BEND3: variants seen among roughly 807,000 people sequenced by gnomAD.
BEND3 encodes the protein BEN domain-containing protein 3.
Under a neutral mutation model 60.1 loss-of-function variants are expected in BEND3, and 13 were observed. The ratio of observed to expected loss-of-function variants is 0.22; its 90% CI spans 0.14 to 0.34. BEND3 has a LOEUF of 0.34. Ranked by LOEUF, BEND3 falls within the 10% of genes least tolerant of loss-of-function variation. BEND3 has a pLI of 1.00. For missense variants in BEND3, 896 were observed against 1,138.1 expected (o/e 0.79, Z 3.06); for synonymous variants, 497 against 491.5 (o/e 1.01, Z -0.15).
chr6:107,068,546 G>A lies in BEND3; in HGVS notation c.*158C>T, dbSNP rs952218808. ...CTCAAGGCTTCTTTCTTGCGGTTGG[G>A]TGGGTGTTTACGTGTGCAAATGTAG... On this transcript the variant is annotated 3_prime_UTR_variant, in exon 4 of 4. Coordinates refer to ENST00000369042, the MANE Select transcript of BEND3 (RefSeq NM_001367314.1). This position sits in a 1 kb window ranked among gnomAD's most constrained non-coding sequence, Gnocchi z 5.8. 31 of 763,164 alleles carry A rather than the reference G, an allele frequency of 4.1e-5. No individual in the cohort carries two copies. The African/African-American group carries it at 5.3e-4, about 13-fold the overall frequency. The allele number at this position is 763,164 out of a possible 1,614,324, so 47.3% of individuals were successfully genotyped here. A position where few individuals can be genotyped will look rare whatever the true frequency, so the allele number is the denominator to read the frequency against.
At chr6:107,093,802 T>A (rs1402868893) in intron 3 of BEND3, among the ~76,000 whole-genome samples, 1 of 152,104 alleles carries the variant, frequency 6.6e-6, no homozygotes, top group African/African-American at 2.4e-5. Flanking sequence ...GAAGATAACA[T>A]CAGAGAAAAC....
chr6:107,098,933 T>G (rs1278239886), intron 2 of BEND3, among the ~76,000 whole-genome samples, 180 bp from the exon 3 acceptor site: 1 of 152,214 alleles, frequency 6.6e-6, no homozygotes, highest in Non-Finnish European at 1.5e-5. Flanking sequence ...ACCGCACTAG[T>G]GCTGTACAAT....
At chr6:107,100,741 A>C (rs1292935742) in intron 1 of BEND3, among the ~76,000 whole-genome samples, 1 of 152,260 alleles carries the variant, frequency 6.6e-6, no homozygotes, top group African/African-American at 2.4e-5. Context: ...CAGCATGTAC[A>C]TAAATAGTAC....
At chr6:107,103,979 GAAAGAA>G (rs1775759140) in intron 1 of BEND3, among the ~76,000 whole-genome samples, 2 of 145,030 alleles carry the variant, frequency 1.4e-5, no homozygotes, top group African/African-American at 5.5e-5. Context: ...AAGAAAGAAA[GAAAGAA>G]AGAAAAAACA....
At position 107,087,296 on chromosome 6, in the gene BEND3, G is replaced by A. The variant is rs371409082; in HGVS notation, c.240+11255C>T. ...ATTGCGCCTCTGCACTCCAGCCTGG[G>A]TAAGAGAGCAAAACTCCAACTCAAA... is the stretch of plus-strand genomic sequence containing the variant. On this transcript the variant is annotated intron_variant, in intron 3 of 3. Coordinates refer to ENST00000369042, the MANE Select transcript of BEND3 (RefSeq NM_001367314.1). 1.0e-4 allele frequency among the ~76,000 whole-genome samples: 15 copies of A among 150,296 alleles called. No individual in the cohort carries two copies. The East Asian group carries it at 2.3e-3, about 23-fold the overall frequency.
intron 1 of BEND3, among the ~76,000 whole-genome samples, chr6:107,110,522 C>A (rs76731689): frequency 1.3e-5 from 2 of 152,018 alleles, no homozygotes; most frequent in Non-Finnish European, 2.9e-5. Flanking sequence ...ATACAAAGCA[C>A]CAAAAAAATC....
In BEND3 at chr6:107,098,565, G is replaced by A. The variant is rs374883376; in HGVS notation, c.226C>T (p.Arg76Trp). 20 of 1,612,574 alleles carry A rather than the reference G, an allele frequency of 1.2e-5. No individual in the cohort carries two copies. Among genetic ancestry groups the A allele is most frequent in the Admixed American group, 1.7e-5 (1 of 59,980 alleles). Reference sequence around the variant, plus strand: ...TAGGCCCTCACCTCGGGGATCAGCCGCCTCCTCTTCACGCCGGGGACAGAG... The same window carrying A: ...TAGGCCCTCACCTCGGGGATCAGCCACCTCCTCTTCACGCCGGGGACAGAG... ...LDSVPGVKRR[R>W]LIPEALLAGM... The change falls in exon 3 of 4, where the codon CGG becomes TGG. Residue 76 changes from arginine to tryptophan, a missense_variant. Physicochemically the swap from Arg to Trp is moderately radical, Grantham distance 101. This residue lies in a region of BEND3 where 846 missense variants were observed against 1,036.7 expected (regional missense o/e 0.82). Transcript: ENST00000369042.
chr6:107,087,102 C>A (rs71574227), intron 3 of BEND3, among the ~76,000 whole-genome samples: 121 of 151,238 alleles, frequency 8.0e-4, no homozygotes, highest in African/African-American at 2.8e-3. Flanking sequence ...GAGGCCGAGG[C>A]GGGTGGACCA....
chr6:107,067,117 T>C lies in BEND3; in HGVS notation c.*1587A>G, dbSNP rs1180253417. ...AATCCTGTATTTTAAAAAATGCTCC[T>C]GGGTACAGGCAAAATTATGTCATAC... On this transcript the variant is annotated 3_prime_UTR_variant, in exon 4 of 4. Transcript: ENST00000369042. 1 of 152,228 alleles carries C rather than the reference T, an allele frequency of 6.6e-6. No homozygotes were observed. Among genetic ancestry groups the C allele is most frequent in the Non-Finnish European group, 1.5e-5 (1 of 68,040 alleles). 9.4% of individuals were successfully genotyped at this position (152,228 alleles called of 1,614,324 possible).
intron 3 of BEND3, among the ~76,000 whole-genome samples, chr6:107,093,758 C>A (rs1046472224): frequency 1.3e-5 from 2 of 152,132 alleles, no homozygotes; most frequent in African/African-American, 2.4e-5. Context: ...GGATCACAAA[C>A]CTAAATGTAA....
chr6:107,107,766 G>C (rs1160312769), intron 1 of BEND3, among the ~76,000 whole-genome samples: 3 of 152,164 alleles, frequency 2.0e-5, no homozygotes, highest in Non-Finnish European at 2.9e-5. Flanking sequence ...CCAGCCTAAA[G>C]TACATTTTAA....
intron 1 of BEND3, among the ~76,000 whole-genome samples, chr6:107,106,857 C>T (rs1775826190): frequency 6.6e-6 from 1 of 152,112 alleles, no homozygotes; most frequent in Non-Finnish European, 1.5e-5. Context: ...ACCCTCCGGC[C>T]TCAGCCTCCC....
At chr6:107,094,621 CATAAATAAATAAATAAATAA>C (rs144954565) in intron 3 of BEND3, among the ~76,000 whole-genome samples, 1,711 of 139,796 alleles carry the variant, frequency 0.012, 38 homozygotes, top group African/African-American at 0.043. Context: ...AACTCCATCT[CATAAATAAATAAATAAATAA>C]ATAAATAAAT....
chr6:107,088,881 G>A (rs139832661), intron 3 of BEND3, among the ~76,000 whole-genome samples: 96 of 145,840 alleles, frequency 6.6e-4, no homozygotes, highest in South Asian at 6.7e-4. Flanking sequence ...TCGGCCAGGC[G>A]CGGTGGCTCA....
chr6:107,077,372 GCT>G (rs576741591), intron 3 of BEND3, among the ~76,000 whole-genome samples: 306 of 152,182 alleles, frequency 2.0e-3, no homozygotes, highest in Middle Eastern at 6.8e-3. Context: ...GTTCTGACCT[GCT>G]CTGTTTCTGA....
At chr6:107,078,555 T>C (rs371462445) in intron 3 of BEND3, among the ~76,000 whole-genome samples, 170 of 21,414 alleles carry the variant, frequency 7.9e-3, no homozygotes, top group East Asian at 0.019. Flanking sequence ...CCTGGGTTCA[T>C]GCCATTCTCC....
chr6:107,068,676 C>A lies in BEND3; in HGVS notation c.*28G>T, dbSNP rs947234452. On this transcript the variant is annotated 3_prime_UTR_variant, in exon 4 of 4. Transcript: ENST00000369042. This position sits in a 1 kb window ranked among gnomAD's most constrained non-coding sequence, Gnocchi z 5.8. ...TGCCCATCGCTCAGCCTCTGGTGAC[C>A]CCGAATCTCTGGGCAGGTCACGGGC... 5.0e-6 allele frequency: 8 copies of A among 1,598,032 alleles called. No homozygotes were observed. The African/African-American group carries it at 1.1e-4, about 21-fold the overall frequency.
At chr6:107,107,247 T>C (rs1157670471) in intron 1 of BEND3, among the ~76,000 whole-genome samples, 3 of 152,132 alleles carry the variant, frequency 2.0e-5, no homozygotes, top group Non-Finnish European at 4.4e-5. Context: ...CAAAAAGGTT[T>C]TTAACCGAGT....
At chr6:107,072,133 T>C (rs1204962501) in intron 3 of BEND3, among the ~76,000 whole-genome samples, 1 of 152,228 alleles carries the variant, frequency 6.6e-6, no homozygotes, top group African/African-American at 2.4e-5. Context: ...CGCTGGTGGG[T>C]GTCGGGGGAG....
Sources: allele counts gnomAD v4.1 joint callset (sites outside exome capture counted in the v4.1 genomes callset), GRCh38; gene constraint gnomAD v4.1.1; regional missense constraint gnomAD v4.1.1; non-coding constraint Gnocchi (gnomAD v3.1); transcripts MANE v1.5; gene names NCBI Gene and HGNC (gene_info 2026-07-23, HGNC 2026-07-21).